The following USP12 variants were observed in gnomAD, a reference collection of about 807,000 sequenced individuals.
USP12 encodes the protein ubiquitin carboxyl-terminal hydrolase 12.
In USP12, 19 loss-of-function variants were observed where a neutral mutation model predicts 45.5. That is an observed-to-expected ratio of 0.42 (90% confidence interval 0.29 to 0.61). The LOEUF is 0.61. USP12 is among the 20% of genes least tolerant of loss of function. The pLI is 0.22. For missense variants in USP12, 242 were observed against 447.7 expected (o/e 0.54, Z 4.15); for synonymous variants, 149 against 148.8 (o/e 1.00, Z -0.01).
chr13:27,088,219 G>T (rs961739580), intron 6 of USP12, among the ~76,000 whole-genome samples: 1 of 152,076 alleles, frequency 6.6e-6, no homozygotes, highest in Non-Finnish European at 1.5e-5. Flanking sequence ...AGGAGATCAA[G>T]ACCATCCCAA....
At chr13:27,166,314 T>C (rs1312342851) in intron 1 of USP12, among the ~76,000 whole-genome samples, 1 of 152,172 alleles carries the variant, frequency 6.6e-6, no homozygotes, top group Admixed American at 6.5e-5. Context: ...AAAGGAATTA[T>C]ACAAAGTATA....
At chr13:27,103,707 A>G (rs1432448098) in intron 3 of USP12, among the ~76,000 whole-genome samples, 2 of 149,172 alleles carry the variant, frequency 1.3e-5, no homozygotes, top group Non-Finnish European at 3.0e-5. Context: ...CAGGAGTTCA[A>G]GACTAGTCTG....
rs1876386258 is a variant in USP12 at position 27,129,299 on chromosome 13, TG to T, written c.49-12704del. Among the ~76,000 whole-genome samples the T allele has an allele frequency of 6.6e-6, 1 of 152,240 alleles. No individual in the cohort carries two copies. Among genetic ancestry groups the T allele is most frequent in the Non-Finnish European group, 1.5e-5 (1 of 68,040 alleles). Reference sequence around the variant, plus strand: ...CTCGATTCCCCTGACCTATAAAATGTGGTTCTCTCTTACCATTTTCCAGCTA... The same window carrying T: ...CTCGATTCCCCTGACCTATAAAATGTGTTCTCTCTTACCATTTTCCAGCTA... On this transcript the variant is annotated intron_variant, in intron 1 of 8. Coordinates refer to ENST00000282344, the MANE Select transcript of USP12 (RefSeq NM_182488.4). This position sits in a 1 kb window ranked among gnomAD's most constrained non-coding sequence, Gnocchi z 4.0.
intron 6 of USP12, among the ~76,000 whole-genome samples, chr13:27,086,195 A>AT (rs1326329926): frequency 1.6e-3 from 100 of 61,962 alleles, no homozygotes; most frequent in African/African-American, 4.7e-3. Context: ...AAAAAAAAAA[A>AT]AAATATATAT....
At chr13:27,102,372 A>G (rs1157683140) in intron 3 of USP12, among the ~76,000 whole-genome samples, 1 of 152,142 alleles carries the variant, frequency 6.6e-6, no homozygotes, top group Non-Finnish European at 1.5e-5. Flanking sequence ...CTCTACTCTC[A>G]TGCTGCCCAG....
At chr13:27,167,258 G>A (rs147444897) in intron 1 of USP12, among the ~76,000 whole-genome samples, 3,619 of 151,004 alleles carry the variant, frequency 0.024, 144 homozygotes, top group African/African-American at 0.083. Flanking sequence ...GTGAAACTCC[G>A]TCTCAAAAAA....
rs58616879 is a variant in USP12 at position 27,105,371 on chromosome 13, A to G, written c.343+360T>C. ...CTGCAAGGATCCAATGAGTTAACAC[A>G]CATGAAAGCATTATGAAAACAAATG... On this transcript the variant is annotated intron_variant, in intron 3 of 8. Coordinates refer to ENST00000282344, the MANE Select transcript of USP12 (RefSeq NM_182488.4). Among the ~76,000 whole-genome samples, 761 of 152,320 alleles carry G rather than the reference A, an allele frequency of 5.0e-3. 10 individuals are homozygous for G. The highest frequency in any genetic ancestry group is 0.017 in the African/African-American group (721 of 41,562).
intron 6 of USP12, 50 bp from the exon 7 acceptor site, chr13:27,075,438 G>C (rs377075802): frequency 3.4e-4 from 506 of 1,491,836 alleles, no homozygotes; most frequent in Non-Finnish European, 4.3e-4. Context: ...TATCCACCAT[G>C]TCCTTGAATT....
At position 27,171,726 on chromosome 13, in the gene USP12, C is replaced by A; in HGVS notation, c.-87G>T. 4 of 892,964 alleles carry A rather than the reference C, an allele frequency of 4.5e-6. No homozygotes were observed. Among genetic ancestry groups the A allele is most frequent in the Non-Finnish European group, 5.6e-6 (4 of 713,342 alleles). The allele number at this position is 892,964 out of a possible 1,614,324, so 55.3% of individuals were successfully genotyped here. The stretch of plus-strand genomic sequence containing the variant: ...CGGGCCGCCCGCTCGCACCGCAGCC[C>A]GCGGGCGGACCCCGAGCCGCCGCGG... On this transcript the variant is annotated 5_prime_UTR_variant, in exon 1 of 9. Coordinates refer to ENST00000282344, the MANE Select transcript of USP12 (RefSeq NM_182488.4).
intron 1 of USP12, among the ~76,000 whole-genome samples, chr13:27,128,586 A>AGGG (rs1251262104): frequency 3.3e-5 from 5 of 152,232 alleles, no homozygotes; most frequent in Admixed American, 2.6e-4. Context: ...TCTTCAATGC[A>AGGG]GGGATTCACC....
intron 1 of USP12, among the ~76,000 whole-genome samples, chr13:27,155,028 T>C (rs1282983316): frequency 7.1e-6 from 1 of 140,470 alleles, no homozygotes; most frequent in Non-Finnish European, 1.5e-5. Context: ...CATAAACCTC[T>C]GACCTCCACA....
chr13:27,084,750 T>G lies in USP12; in HGVS notation c.734+5133A>C, dbSNP rs540174750. On this transcript the variant is annotated intron_variant, in intron 6 of 8. Coordinates refer to ENST00000282344, the MANE Select transcript of USP12 (RefSeq NM_182488.4). The stretch of plus-strand genomic sequence containing the variant: ...GGTCATTTTGTTCCACTGGTCTATA[T>G]ATGTCTTTAGGCCAGTACCATACTA... Among the ~76,000 whole-genome samples the G allele has an allele frequency of 2.0e-5, 3 of 152,334 alleles. No individual in the cohort carries two copies. The East Asian group carries it at 5.8e-4, about 29-fold the overall frequency.
intron 1 of USP12, among the ~76,000 whole-genome samples, chr13:27,148,472 G>A (rs1201624064): frequency 4.6e-5 from 7 of 151,466 alleles, no homozygotes; most frequent in African/African-American, 1.7e-4. Flanking sequence ...TCAGGAGTTC[G>A]AGACCAGCCT....
At chr13:27,112,548 A>G (rs970524712) in intron 2 of USP12, among the ~76,000 whole-genome samples, 4 of 152,016 alleles carry the variant, frequency 2.6e-5, no homozygotes, top group African/African-American at 9.7e-5. Flanking sequence ...TTGGCCTCCC[A>G]AAGTGCTGGG....
intron 1 of USP12, among the ~76,000 whole-genome samples, chr13:27,136,191 AG>A (rs1473109572): frequency 2.6e-5 from 4 of 152,168 alleles, no homozygotes; most frequent in African/African-American, 4.8e-5. Flanking sequence ...GTCTACAACA[AG>A]AAGAAAACAG....
At chr13:27,133,060 CTTA>C (rs1475503107) in intron 1 of USP12, among the ~76,000 whole-genome samples, 10 of 152,238 alleles carry the variant, frequency 6.6e-5, no homozygotes, top group African/African-American at 2.4e-4. Context: ...TTAACTAACA[CTTA>C]TTAATTATTC....
rs751400502 is a variant in USP12 at position 27,116,504 on chromosome 13, A to G, written c.129+12T>C. Reference sequence around the variant, plus strand: ...CGAACATGATTCTAAAAGCGTATCAATGGATACTTACATTGACTAATCCAA... The same window carrying G: ...CGAACATGATTCTAAAAGCGTATCAGTGGATACTTACATTGACTAATCCAA... On this transcript the variant is annotated intron_variant, in intron 2 of 8. Transcript: ENST00000282344. 3.0e-5 allele frequency: 49 copies of G among 1,612,488 alleles called. No homozygotes were observed. The highest frequency in any genetic ancestry group is 6.7e-5 in the Admixed American group (4 of 59,848).
chr13:27,069,171 T>C lies in USP12; in HGVS notation c.*112A>G. 1 of 836,266 alleles carries C rather than the reference T, an allele frequency of 1.2e-6. No homozygotes were observed. The highest frequency in any genetic ancestry group is 1.4e-5 in the South Asian group (1 of 70,558). 51.8% of individuals were successfully genotyped at this position (836,266 alleles called of 1,614,324 possible). A position where few individuals can be genotyped will look rare whatever the true frequency, so the allele number is the denominator to read the frequency against. On this transcript the variant is annotated 3_prime_UTR_variant, in exon 9 of 9. Transcript: ENST00000282344. ...CTTTATCGTGTGCAAAGTGTGCTAC[T>C]GCCCCCTGAGCTTCCTGCATTTCTC... is the stretch of plus-strand genomic sequence containing the variant.
At position 27,115,612 on chromosome 13, in the gene USP12, T is replaced by C. The variant is rs74041196; in HGVS notation, c.129+904A>G. Among the ~76,000 whole-genome samples, 1,139 of 152,266 alleles carry C rather than the reference T, an allele frequency of 7.5e-3. 17 individuals carry two copies. The highest frequency in any genetic ancestry group is 0.026 in the African/African-American group (1,076 of 41,552). The stretch of plus-strand genomic sequence containing the variant: ...AGTATAAAATAAACTACCACAACAA[T>C]TATATAGCACAAGTTTGTGATACTC... On this transcript the variant is annotated intron_variant, in intron 2 of 8. Transcript: ENST00000282344.
Sources: allele counts gnomAD v4.1 joint callset (sites outside exome capture counted in the v4.1 genomes callset), GRCh38; gene constraint gnomAD v4.1.1; non-coding constraint Gnocchi (gnomAD v3.1); transcripts MANE v1.5; gene names NCBI Gene and HGNC (gene_info 2026-07-23, HGNC 2026-07-21).